STPG2: variants seen among roughly 807,000 people sequenced by gnomAD.
STPG2 encodes the protein sperm-tail PG-rich repeat-containing protein 2.
Under a neutral mutation model 54.2 loss-of-function variants are expected in STPG2, and 56 were observed. That is an observed-to-expected ratio of 1.03 (90% CI 0.83 to 1.29). STPG2 has a LOEUF of 1.29. Ranked by LOEUF, STPG2 falls within the 50% of genes most tolerant of loss-of-function variation. The pLI, the probability that STPG2 is intolerant of heterozygous loss-of-function variation, is 0.00. For synonymous variants in STPG2, 200 were observed against 181.8 expected, an observed-to-expected ratio of 1.10 and a Z score of -0.81; for missense variants, 596 against 544.9, an observed-to-expected ratio of 1.09 and a Z score of -0.93.
intron 9 of STPG2, among the ~76,000 whole-genome samples, chr4:97,736,397 AG>A (rs1578518879): frequency 5.3e-5 from 8 of 152,326 alleles, no homozygotes; most frequent in Admixed American, 2.0e-4. Context: ...GAGTCGAAGC[AG>A]GGCGAGGCAT....
chr4:97,939,052 A>T (rs932099655), intron 8 of STPG2, among the ~76,000 whole-genome samples: 2 of 151,996 alleles, frequency 1.3e-5, no homozygotes, highest in Non-Finnish European at 2.9e-5. Context: ...TTTCTGCCTT[A>T]ATTTCATTAT....
At chr4:97,784,113 G>C (rs1726747165) in intron 9 of STPG2, among the ~76,000 whole-genome samples, 1 of 148,394 alleles carries the variant, frequency 6.7e-6, no homozygotes, top group South Asian at 2.2e-4. Context: ...AAAGTATCTG[G>C]AACCAAATAA....
intron 9 of STPG2, among the ~76,000 whole-genome samples, chr4:97,816,638 A>G (rs1174129797): frequency 3.3e-5 from 5 of 152,188 alleles, no homozygotes; most frequent in Admixed American, 6.6e-5. Flanking sequence ...GATGAGCATC[A>G]TGCATCCTTT....
At chr4:97,572,893 T>G (rs1732635961) in intron 10 of STPG2, among the ~76,000 whole-genome samples, 1 of 152,182 alleles carries the variant, frequency 6.6e-6, no homozygotes, top group Admixed American at 6.6e-5. Flanking sequence ...TTTTACCTAC[T>G]ATTATTCAAA....
chr4:97,475,240 CT>C (rs1452763546), intron 4 of STPG2, among the ~76,000 whole-genome samples: 7 of 151,750 alleles, frequency 4.6e-5, no homozygotes, highest in Non-Finnish European at 8.8e-5. Flanking sequence ...TTTTGCCAAA[CT>C]TTTGTTGAAA....
At chr4:97,822,283 A>G (rs1340631336) in intron 9 of STPG2, among the ~76,000 whole-genome samples, 1 of 152,178 alleles carries the variant, frequency 6.6e-6, no homozygotes, top group Non-Finnish European at 1.5e-5. Context: ...GTTCTTAATA[A>G]GTTTCTCATT....
intron 9 of STPG2, among the ~76,000 whole-genome samples, chr4:97,742,457 T>C (rs1420583123): frequency 6.6e-6 from 1 of 151,204 alleles, no homozygotes; most frequent in Non-Finnish European, 1.5e-5. Flanking sequence ...CATTTTGGCA[T>C]TGTTCACAAT....
intron 10 of STPG2, among the ~76,000 whole-genome samples, chr4:97,610,653 T>C (rs576366372): frequency 2.0e-5 from 3 of 152,124 alleles, no homozygotes; most frequent in Non-Finnish European, 2.9e-5. Context: ...CCGGCACCAG[T>C]CCAGCACATC....
intron 10 of STPG2, among the ~76,000 whole-genome samples, chr4:97,622,367 C>T (rs1734034093): frequency 6.6e-6 from 1 of 152,022 alleles, no homozygotes; most frequent in Non-Finnish European, 1.5e-5. Context: ...TGACTCTATA[C>T]CTAGAAAACC....
intron 5 of STPG2, among the ~76,000 whole-genome samples, chr4:98,008,156 G>A (rs2149280189): frequency 6.6e-6 from 1 of 152,234 alleles, no homozygotes; most frequent in Middle Eastern, 3.4e-3. Context: ...TTATCAGGCT[G>A]TCATTGTGGA....
At chr4:98,023,528 C>T (rs1040421626) in intron 5 of STPG2, among the ~76,000 whole-genome samples, 11 of 152,288 alleles carry the variant, frequency 7.2e-5, no homozygotes, top group African/African-American at 9.6e-5. Flanking sequence ...TCTCCAGCTG[C>T]GTGCTGGGGG....
At chr4:98,110,695 C>A (rs1248867169) in intron 3 of STPG2, among the ~76,000 whole-genome samples, 1 of 152,130 alleles carries the variant, frequency 6.6e-6, no homozygotes, top group Non-Finnish European at 1.5e-5. Context: ...TACTCCCACT[C>A]TAAAACTTGC....
rs1195733189 is a variant in STPG2, at chr4:97,559,097, T to C, written c.1341A>G (p.Lys447=). The C allele has an allele frequency of 6.9e-6, 11 of 1,603,428 alleles. No homozygotes were observed. The Admixed American group carries it at 1.9e-4, about 28-fold the overall frequency. Residue 447 remains lysine (K), a synonymous_variant, in exon 11 of 11, where the codon AAA becomes AAG. Coordinates refer to ENST00000295268, the MANE Select transcript of STPG2 (RefSeq NM_174952.3). ...ATYEISQEKK[K]GNLIGEMAAD... ...CAGCCATTTCACCAATGAGATTTCC[T>C]TTCTTTTTCTCCTGGGATATCTGTT...
chr4:97,947,554 G>T (rs768309345), intron 7 of STPG2, among the ~76,000 whole-genome samples: 2 of 151,988 alleles, frequency 1.3e-5, no homozygotes, highest in Admixed American at 6.6e-5. Context: ...GTCATAGATG[G>T]TGTCTATTAA....
At chr4:97,742,163 A>G (rs1725264209) in intron 9 of STPG2, among the ~76,000 whole-genome samples, 1 of 151,958 alleles carries the variant, frequency 6.6e-6, no homozygotes, top group African/African-American at 2.4e-5. Flanking sequence ...GAATTGAACA[A>G]TGAGAACACA....
At chr4:97,591,098 T>C (rs113332338) in intron 10 of STPG2, among the ~76,000 whole-genome samples, 2,266 of 152,064 alleles carry the variant, frequency 0.015, 52 homozygotes, top group African/African-American at 0.052. Flanking sequence ...AGACCAACAG[T>C]AAAAATAGTT....
chr4:97,676,383 T>A (rs2148974124), intron 10 of STPG2, among the ~76,000 whole-genome samples: 1 of 152,152 alleles, frequency 6.6e-6, no homozygotes, highest in East Asian at 1.9e-4. Context: ...TGGAGTTCCC[T>A]ACATCAATTT....
chr4:97,793,434 T>A (rs1727069501), intron 9 of STPG2, among the ~76,000 whole-genome samples: 2 of 150,250 alleles, frequency 1.3e-5, no homozygotes, highest in South Asian at 2.1e-4. Flanking sequence ...ATTATTAAAG[T>A]TACATATGCA....
At chr4:97,915,388 G>T (rs1202129564) in intron 8 of STPG2, among the ~76,000 whole-genome samples, 1 of 152,064 alleles carries the variant, frequency 6.6e-6, no homozygotes, top group East Asian at 1.9e-4. Context: ...TTTATATAGG[G>T]AGAAAAATGA....
Sources: allele counts gnomAD v4.1 joint callset (sites outside exome capture counted in the v4.1 genomes callset), GRCh38; gene constraint gnomAD v4.1.1; transcripts MANE v1.5; gene names NCBI Gene and HGNC (gene_info 2026-07-23, HGNC 2026-07-21).